The following VGLL4 variants were observed in gnomAD, a reference collection of about 807,000 sequenced individuals.
VGLL4 encodes the protein vestigial like family member 4, also known as transcription cofactor vestigial-like protein 4.
A neutral mutation model predicts 21.0 loss-of-function variants in VGLL4; 7 were observed. The ratio of observed to expected loss-of-function variants is 0.33; its 90% confidence interval spans 0.19 to 0.63. VGLL4 has a LOEUF of 0.63. Ranked by LOEUF, VGLL4 falls within the 20% of genes least tolerant of loss-of-function variation. The probability of loss-of-function intolerance (pLI) is 0.78; values close to 1 mark genes in which losing one functional copy is unlikely to be tolerated. For missense variants in VGLL4, 394 were observed against 425.7 expected, an observed-to-expected ratio of 0.93 and a Z score of 0.66; for synonymous variants, 222 against 173.2, an observed-to-expected ratio of 1.28 and a Z score of -2.21.
chr3:11,619,494 C>T (rs1390173156), intron 1 of VGLL4, among the ~76,000 whole-genome samples: 1 of 152,172 alleles, frequency 6.6e-6, no homozygotes, highest in Non-Finnish European at 1.5e-5. Flanking sequence ...TCCTTATGCC[C>T]TAGGGTGTGT....
chr3:11,670,347 C>T (rs1405242799), intron 2 of VGLL4, among the ~76,000 whole-genome samples: 1 of 152,154 alleles, frequency 6.6e-6, no homozygotes, highest in Non-Finnish European at 1.5e-5. Context: ...CTTCTACTGT[C>T]TGCACCTCAG....
At chr3:11,562,655 C>T (rs2073127689) in intron 3 of VGLL4, among the ~76,000 whole-genome samples, 1 of 152,238 alleles carries the variant, frequency 6.6e-6, no homozygotes, top group Non-Finnish European at 1.5e-5. Context: ...AGCCCCGCCA[C>T]GCTGCCGCAG....
chr3:11,602,877 T>A (rs558403799), intron 1 of VGLL4, among the ~76,000 whole-genome samples: 1 of 151,998 alleles, frequency 6.6e-6, no homozygotes, highest in South Asian at 2.1e-4. Flanking sequence ...TAAAGACGAA[T>A]GATTACTTTA....
At chr3:11,669,393 GA>G (rs1248135701) in intron 2 of VGLL4, among the ~76,000 whole-genome samples, 4 of 152,056 alleles carry the variant, frequency 2.6e-5, no homozygotes, top group Non-Finnish European at 5.9e-5. Flanking sequence ...AAAAAAAGAA[GA>G]AAGTTTTCCT....
In VGLL4 at chr3:11,579,705, C is replaced by G. The variant is rs372749286; in HGVS notation, c.273-14686G>C. ...AGAGAATTCAGAAGCACCCTCCCCC[C>G]CAAGTTTCATGCACCCCAAGTTTCA... On this transcript the variant is annotated intron_variant, in intron 2 of 4. Coordinates refer to ENST00000430365, the MANE Select transcript of VGLL4 (RefSeq NM_001128219.3). Among the ~76,000 whole-genome samples the G allele has an allele frequency of 3.4e-4, 51 of 152,222 alleles. No individual in the cohort carries two copies. The East Asian group carries it at 5.0e-3, about 15-fold the overall frequency.
upstream of VGLL4, among the ~76,000 whole-genome samples, chr3:11,647,486 G>A (rs1230259260): frequency 6.6e-6 from 1 of 152,036 alleles, no homozygotes; most frequent in Non-Finnish European, 1.5e-5. Context: ...TTTGGATTTC[G>A]GACCTTCTTG....
intron 1 of VGLL4, chr3:11,611,605 CA>C (rs1426080047): frequency 6.6e-6 from 1 of 152,252 alleles, no homozygotes; most frequent in Non-Finnish European, 1.5e-5. Flanking sequence ...TGAACAGCTG[CA>C]ACTGTCCCAT....
At chr3:11,635,191 G>A (rs1181532611) in intron 1 of VGLL4, among the ~76,000 whole-genome samples, 6 of 152,208 alleles carry the variant, frequency 3.9e-5, no homozygotes, top group African/African-American at 1.4e-4. Flanking sequence ...GAGTAGAGGT[G>A]AGCTGGCCTT....
chr3:11,564,111 A>G (rs2073297342), intron 3 of VGLL4, among the ~76,000 whole-genome samples: 1 of 152,232 alleles, frequency 6.6e-6, no homozygotes, highest in African/African-American at 2.4e-5. Context: ...GGAGATTCGG[A>G]GAGCTCAAGC....
chr3:11,696,758 G>A (rs1263560357), intron 2 of VGLL4, among the ~76,000 whole-genome samples: 1 of 152,038 alleles, frequency 6.6e-6, no homozygotes, highest in Non-Finnish European at 1.5e-5. Flanking sequence ...ACATATTTTA[G>A]AGACAGGGTC....
intron 1 of VGLL4, among the ~76,000 whole-genome samples, chr3:11,632,671 T>C (rs953397767): frequency 1.3e-5 from 2 of 152,232 alleles, no homozygotes; most frequent in African/African-American, 2.4e-5. Flanking sequence ...CATGTTTGGA[T>C]ATAGTCACTC....
chr3:11,585,272 T>TA (rs2125233208), intron 2 of VGLL4, among the ~76,000 whole-genome samples: 1 of 151,970 alleles, frequency 6.6e-6, no homozygotes, highest in Non-Finnish European at 1.5e-5. Context: ...CCAGTCTCTA[T>TA]TAAAAATACA....
intron 2 of VGLL4, among the ~76,000 whole-genome samples, chr3:11,657,684 G>C (rs984525260): frequency 6.6e-6 from 1 of 152,138 alleles, no homozygotes; most frequent in Non-Finnish European, 1.5e-5. Flanking sequence ...GGCTACTAGA[G>C]GGTTAAGGAG....
upstream of VGLL4, among the ~76,000 whole-genome samples, chr3:11,645,317 G>A (rs2075772437): frequency 1.3e-5 from 2 of 151,792 alleles, no homozygotes; most frequent in African/African-American, 4.8e-5. Flanking sequence ...TAGGCCAGGC[G>A]CGGTGGCTCA....
At chr3:11,577,766 T>C (rs1375274422) in intron 2 of VGLL4, among the ~76,000 whole-genome samples, 2 of 152,208 alleles carry the variant, frequency 1.3e-5, no homozygotes, top group Non-Finnish European at 2.9e-5. Flanking sequence ...TCCTAAAGGT[T>C]CTCCCTCCTA....
upstream of VGLL4, among the ~76,000 whole-genome samples, chr3:11,644,088 G>T (rs2075750074): frequency 6.6e-6 from 1 of 152,210 alleles, no homozygotes; most frequent in Non-Finnish European, 1.5e-5. Context: ...ACGGGGCCTT[G>T]GCAGAGTGGC....
chr3:11,653,984 T>A lies in VGLL4; in HGVS notation c.64+48987A>T, dbSNP rs1230401575. On this transcript the variant is annotated intron_variant, in intron 2 of 5. Coordinates refer to the VGLL4 transcript ENST00000273038. This position sits in a 1 kb window ranked among gnomAD's most constrained non-coding sequence, Gnocchi z 4.2. ...GAGATTCTGCCCTCCTCAGGAGACA[T>A]CTGGCAATGTCTGGTTATTTCAAAT... is the stretch of plus-strand genomic sequence containing the variant. Among the ~76,000 whole-genome samples the A allele has an allele frequency of 4.6e-5, 7 of 152,094 alleles. No individual in the cohort carries two copies. The highest frequency in any genetic ancestry group is 1.7e-4 in the African/African-American group (7 of 41,400).
chr3:11,591,831 A>C (rs1264824415), intron 2 of VGLL4, among the ~76,000 whole-genome samples: 3 of 152,234 alleles, frequency 2.0e-5, no homozygotes, highest in Admixed American at 6.5e-5. Context: ...CTCGGTGACG[A>C]TCCTCCCTAA....
At chr3:11,559,622 C>G (rs867722446) in intron 3 of VGLL4, among the ~76,000 whole-genome samples, 167 bp from the exon 4 acceptor site, 8 of 152,194 alleles carry the variant, frequency 5.3e-5, no homozygotes, top group African/African-American at 1.9e-4. Flanking sequence ...AGCCAATCCA[C>G]AGAGTGAGCG....
Sources: gnomAD v4.1 joint callset for allele counts (sites outside exome capture counted in the v4.1 genomes callset) on GRCh38, gnomAD v4.1.1 for gene constraint, Gnocchi (gnomAD v3.1) non-coding constraint, MANE v1.5 for transcripts, NCBI Gene and HGNC (gene_info 2026-07-23, HGNC 2026-07-21) for gene names.